ROBO1: variants seen among roughly 807,000 people sequenced by gnomAD.
ROBO1 encodes roundabout guidance receptor 1.
ROBO1 carries 149 observed loss-of-function variants against 195.9 expected under a neutral mutation model. The ratio of observed to expected loss-of-function variants is 0.76; its 90% confidence interval spans 0.67 to 0.87. The LOEUF is 0.87. ROBO1 is among the 40% of genes least tolerant of loss of function. ROBO1 has a pLI of 0.00. For missense variants in ROBO1, 1,933 were observed against 2,068.3 expected (o/e 0.93, Z 1.27); for synonymous variants, 816 against 733.2 (o/e 1.11, Z -1.82).
At chr3:79,343,312 T>C (rs1285384116) in intron 2 of ROBO1, among the ~76,000 whole-genome samples, 1 of 152,172 alleles carries the variant, frequency 6.6e-6, no homozygotes. Context: ...GCACAGGTTT[T>C]TGTGCAATAA....
chr3:78,866,481 C>G (rs1038720416), intron 4 of ROBO1, among the ~76,000 whole-genome samples: 2 of 152,196 alleles, frequency 1.3e-5, no homozygotes, highest in East Asian at 1.9e-4. Context: ...ACTATAGAAC[C>G]CTTCTTTCCA....
chr3:78,922,958 C>T (rs2039025206), intron 4 of ROBO1, among the ~76,000 whole-genome samples: 1 of 152,148 alleles, frequency 6.6e-6, no homozygotes, highest in African/African-American at 2.4e-5. Context: ...TTAGAAATAT[C>T]AGAAGTTCTA....
chr3:79,314,662 A>G (rs78204581), intron 2 of ROBO1, among the ~76,000 whole-genome samples: 3,366 of 152,304 alleles, frequency 0.022, 101 homozygotes, highest in African/African-American at 0.072. Flanking sequence ...TCTTTCCACA[A>G]ATACTCACTG....
rs75199255 is a variant in ROBO1, at chr3:79,479,061, C to G, written c.88+110763G>C. ...ACGCTGTATTATAACACTTACACAT[C>G]TGTATTATTCCCCTTTTTAGCATAG... On this transcript the variant is annotated intron_variant, in intron 2 of 30. Transcript: ENST00000464233. Among the ~76,000 whole-genome samples the G allele has an allele frequency of 1.4e-4, 21 of 152,320 alleles. No individual in the cohort carries two copies. In the East Asian group the frequency reaches 4.1e-3, roughly 29 times the overall value.
At chr3:78,725,773 A>G (rs2082147077) in intron 5 of ROBO1, among the ~76,000 whole-genome samples, 1 of 152,188 alleles carries the variant, frequency 6.6e-6, no homozygotes, top group Non-Finnish European at 1.5e-5. Flanking sequence ...TAAAACATAA[A>G]TTCATAAGTT....
intron 2 of ROBO1, among the ~76,000 whole-genome samples, chr3:79,331,147 G>T (rs572811355): frequency 6.6e-6 from 1 of 152,256 alleles, no homozygotes; most frequent in South Asian, 2.1e-4. Context: ...TGTTATGCTT[G>T]AAAGAGCAGA....
chr3:79,486,975 T>A (rs1435268473), intron 2 of ROBO1, among the ~76,000 whole-genome samples: 2 of 152,124 alleles, frequency 1.3e-5, no homozygotes, highest in East Asian at 1.9e-4. Context: ...CTCTACTAAC[T>A]GGCCTTTATC....
intron 8 of ROBO1, among the ~76,000 whole-genome samples, chr3:78,711,398 C>CCTTCCTTCCTTCCTTT (rs2081724186): frequency 7.5e-5 from 3 of 39,948 alleles, no homozygotes; most frequent in Admixed American, 3.3e-4. Flanking sequence ...TTCCTTCCTT[C>CCTTCCTTCCTTCCTTT]CTTTCTTTCT....
At chr3:79,541,259 A>G (rs924767961) in intron 2 of ROBO1, among the ~76,000 whole-genome samples, 5 of 152,100 alleles carry the variant, frequency 3.3e-5, no homozygotes, top group African/African-American at 1.2e-4. Context: ...TCATAGGATT[A>G]TTGAATTTTT....
At chr3:79,717,710 G>C (rs1002335692) in intron 1 of ROBO1, among the ~76,000 whole-genome samples, 1 of 151,958 alleles carries the variant, frequency 6.6e-6, no homozygotes, top group Non-Finnish European at 1.5e-5. Context: ...ATATATGTTA[G>C]AAGTGTGTGT....
chr3:79,455,636 T>C (rs1276586529), intron 2 of ROBO1, among the ~76,000 whole-genome samples: 1 of 152,074 alleles, frequency 6.6e-6, no homozygotes, highest in African/African-American at 2.4e-5. Context: ...GGAAGAACTA[T>C]TTGACTCGTG....
At chr3:79,500,990 A>T (rs1940041692) in intron 2 of ROBO1, among the ~76,000 whole-genome samples, 1 of 151,852 alleles carries the variant, frequency 6.6e-6, no homozygotes, top group Non-Finnish European at 1.5e-5. Context: ...TCCACCTCAG[A>T]TGAGCCTTCC....
At position 78,600,231 on chromosome 3, in the gene ROBO1, G is replaced by A. The variant is rs1703089925; in HGVS notation, c.4823C>T (p.Ser1608Leu). 1 of 1,613,320 alleles carries A rather than the reference G, an allele frequency of 6.2e-7. No homozygotes were observed. The highest frequency in any genetic ancestry group is 1.1e-5 in the South Asian group (1 of 91,068). ...PRDPSSSSSMSSRGSGSRQRE... is the reference protein window; with the variant it reads ...PRDPSSSSSMLSRGSGSRQRE... ...TTGTCTGCTTCCTGATCCTCTTGATGACATTGAGCTTGAGGAACTGGGATC... is the reference window on the plus strand; with the variant it reads ...TTGTCTGCTTCCTGATCCTCTTGATAACATTGAGCTTGAGGAACTGGGATC... Residue 1608 changes from serine (S) to leucine (L), a missense_variant, in exon 30 of 31, where the codon TCA (serine) becomes TTA (leucine). This residue lies in a region of ROBO1 where 1,737 missense variants were observed against 1,882.5 expected (regional missense o/e 0.92). Coordinates refer to ENST00000464233, the MANE Select transcript of ROBO1 (RefSeq NM_002941.4).
chr3:79,057,829 A>T (rs921151312), intron 3 of ROBO1, among the ~76,000 whole-genome samples: 3 of 152,008 alleles, frequency 2.0e-5, no homozygotes, highest in African/African-American at 7.2e-5. Flanking sequence ...AGAAATCTAC[A>T]CTAATGACAG....
At chr3:79,531,225 A>T (rs932048699) in intron 2 of ROBO1, among the ~76,000 whole-genome samples, 1 of 152,206 alleles carries the variant, frequency 6.6e-6, no homozygotes, top group Non-Finnish European at 1.5e-5. Context: ...TCCTTAAAAC[A>T]GCCATAGTAG....
intron 3 of ROBO1, among the ~76,000 whole-genome samples, chr3:79,054,382 G>T (rs951631992): frequency 6.6e-6 from 1 of 152,128 alleles, no homozygotes; most frequent in Non-Finnish European, 1.5e-5. Context: ...TCTGATGAGA[G>T]TGCTCAAGGT....
At chr3:79,609,043 A>G (rs989668688) in intron 1 of ROBO1, among the ~76,000 whole-genome samples, 2 of 152,056 alleles carry the variant, frequency 1.3e-5, no homozygotes, top group Non-Finnish European at 2.9e-5. Context: ...GACTTCTGCC[A>G]TGTAAGGACA....
chr3:79,139,745 C>CGTCT (rs1405550595), intron 2 of ROBO1, among the ~76,000 whole-genome samples: 3 of 152,134 alleles, frequency 2.0e-5, no homozygotes, highest in African/African-American at 7.2e-5. Flanking sequence ...TGGCTCTCTC[C>CGTCT]GTCTGTTGAC....
intron 3 of ROBO1, among the ~76,000 whole-genome samples, chr3:79,105,082 TAGG>T (rs2079753138): frequency 6.6e-6 from 1 of 151,762 alleles, no homozygotes; most frequent in African/African-American, 2.4e-5. Flanking sequence ...CAAAAAAATC[TAGG>T]AGACCATCTT....
Sources: allele counts gnomAD v4.1 joint callset (sites outside exome capture counted in the v4.1 genomes callset), GRCh38; gene constraint gnomAD v4.1.1; regional missense constraint gnomAD v4.1.1; transcripts MANE v1.5; gene names NCBI Gene and HGNC (gene_info 2026-07-23, HGNC 2026-07-21).